The following ICE1 variants were observed in gnomAD, a reference collection of about 807,000 sequenced individuals.
The protein encoded by ICE1 is interactor of little elongation complex ELL subunit 1, also known as little elongation complex subunit 1.
A neutral mutation model predicts 192.7 loss-of-function variants in ICE1; 64 were observed. The ratio of observed to expected loss-of-function variants is 0.33; its 90% confidence interval spans 0.27 to 0.41. The LOEUF (loss-of-function observed/expected upper bound fraction) is 0.41, where lower values mean the gene tolerates loss of function less well. ICE1 is among the 10% of genes least tolerant of loss of function. The pLI is 1.00. For synonymous variants in ICE1, 1,010 were observed against 984.5 expected, an observed-to-expected ratio of 1.03 and a Z score of -0.49; for missense variants, 2,708 against 2,696.0, an observed-to-expected ratio of 1.00 and a Z score of -0.10.
At chr5:5,476,701 G>A (rs908814498) in intron 17 of ICE1, among the ~76,000 whole-genome samples, 4 of 152,088 alleles carry the variant, frequency 2.6e-5, no homozygotes, top group African/African-American at 7.2e-5. Flanking sequence ...CTCACCACAC[G>A]GATGGCCCAA....
At chr5:5,467,970 T>C (rs1051722261) in intron 14 of ICE1, among the ~76,000 whole-genome samples, 1 of 152,194 alleles carries the variant, frequency 6.6e-6, no homozygotes, top group African/African-American at 2.4e-5. Context: ...AGCACGCGGA[T>C]GTAACATCTT....
chr5:5,489,000 A>G, intron 18 of ICE1, 149 bp from the exon 19 acceptor site: 2 of 703,602 alleles, frequency 2.8e-6, no homozygotes, highest in Admixed American at 3.1e-5. Flanking sequence ...TCTTAAATGA[A>G]TTTTTTTACT....
intron 10 of ICE1, 91 bp from the exon 11 acceptor site, chr5:5,454,461 C>G (rs1561083754): frequency 2.5e-6 from 2 of 787,400 alleles, no homozygotes; most frequent in Non-Finnish European, 4.3e-6. Flanking sequence ...TTTCTAAGTC[C>G]CTAATAAACC....
rs758400669 is a variant in ICE1, at chr5:5,465,121, G to A, written c.5787G>A (p.Leu1929=). The part of the protein sequence containing the change: ...LKKIAEFSFD[L]LPVIRSHVYV... ...AAATTGCAGAGTTTTCTTTTGATCT[G>A]TTACCTGTCATTCGTAGTCATGTGT... Residue 1929 remains leucine, a synonymous_variant, in exon 13 of 19, where the codon CTG becomes CTA. Transcript: ENST00000296564. 6.2e-7 allele frequency: 1 copy of A among 1,612,400 alleles called. No individual in the cohort carries two copies. Among genetic ancestry groups the A allele is most frequent in the Non-Finnish European group, 8.5e-7 (1 of 1,179,142 alleles).
intron 1 of ICE1, among the ~76,000 whole-genome samples, chr5:5,425,157 A>T (rs1737483738): frequency 6.6e-6 from 1 of 152,126 alleles, no homozygotes; most frequent in Middle Eastern, 3.4e-3. Flanking sequence ...TTCATTATTC[A>T]CCCACTTTTC....
intron 1 of ICE1, among the ~76,000 whole-genome samples, chr5:5,429,242 C>T (rs1215259029): frequency 6.6e-6 from 1 of 152,114 alleles, no homozygotes; most frequent in East Asian, 1.9e-4. Context: ...GCCTAGCAAG[C>T]ACCAAGATTC....
intron 4 of ICE1, 106 bp from the exon 5 acceptor site, chr5:5,441,006 C>CTTTTTTTTTT: frequency 1.5e-6 from 1 of 668,156 alleles, no homozygotes; most frequent in Non-Finnish European, 2.5e-6. Flanking sequence ...CTTTTTCATC[C>CTTTTTTTTTT]TTTTTTTTGT....
Position 5,489,163 on chromosome 5 carries a change from A to T in ICE1, c.6634A>T (p.Ile2212Leu). 4 of 1,613,898 alleles carry T rather than the reference A, an allele frequency of 2.5e-6. No homozygotes were observed. The highest frequency in any genetic ancestry group is 3.4e-6 in the Non-Finnish European group (4 of 1,179,834). Reference sequence around the variant, plus strand: ...TTTCTTTTCAGATATACCATGGGGTATACAGTTAGCAGCCGTGTATGCTCT... The same window carrying T: ...TTTCTTTTCAGATATACCATGGGGTTTACAGTTAGCAGCCGTGTATGCTCT... ...HAHDEDIPWG[I>L]QLAAVYALCD... is the part of the protein sequence containing the mutation. Residue 2212 changes from isoleucine to leucine, a missense_variant, in exon 19 of 19, where the codon ATA (isoleucine) becomes TTA (leucine). By Grantham distance (5) the Ile-to-Leu change is conservative (BLOSUM62 2). Transcript: ENST00000296564.
Position 5,460,687 on chromosome 5 carries a change from A to G in ICE1, c.1353A>G (p.Glu451=). 2 of 1,613,984 alleles carry G rather than the reference A, an allele frequency of 1.2e-6. No individual in the cohort carries two copies. Among genetic ancestry groups the G allele is most frequent in the Non-Finnish European group, 1.7e-6 (2 of 1,179,894 alleles). ...GLETFTATLR[E]SSATHSLVGE... ...AGACTTTCACAGCAACACTGAGAGA[A>G]TCTTCTGCCACACACTCCTTAGTTG... The change falls in exon 13 of 19, where the codon GAA becomes GAG. Residue 451 remains glutamate, a synonymous_variant. Coordinates refer to ENST00000296564, the MANE Select transcript of ICE1 (RefSeq NM_015325.3).
chr5:5,449,758 C>T (rs1014444884), intron 10 of ICE1, among the ~76,000 whole-genome samples: 2 of 152,164 alleles, frequency 1.3e-5, no homozygotes, highest in Admixed American at 1.3e-4. Context: ...GGCCTTTGCT[C>T]ATAAACTGTG....
chr5:5,429,832 T>C (rs770244033), intron 1 of ICE1, among the ~76,000 whole-genome samples: 1 of 152,098 alleles, frequency 6.6e-6, no homozygotes, highest in Non-Finnish European at 1.5e-5. Context: ...GAGGGTATTG[T>C]ATGGATAAAG....
At chr5:5,450,607 T>C (rs909718778) in intron 10 of ICE1, among the ~76,000 whole-genome samples, 5 of 152,120 alleles carry the variant, frequency 3.3e-5, no homozygotes, top group African/African-American at 1.2e-4. Context: ...TTGTGTACAG[T>C]CTCCGTCTCT....
Position 5,464,670 on chromosome 5 carries a change from C to T in ICE1, c.5336C>T (p.Pro1779Leu), listed in dbSNP as rs780206824. ...LKGNIQLTRG[P>L]PADCKNLPGP... The stretch of plus-strand genomic sequence containing the variant: ...GGGAATATTCAACTCACACGAGGTC[C>T]GCCTGCTGACTGTAAGAATTTACCG... The change falls in exon 13 of 19, where the codon CCG becomes CTG. Residue 1779 changes from proline to leucine, a missense_variant. Physicochemically the swap from Pro to Leu is moderately conservative, Grantham distance 98 (BLOSUM62 -3). This residue lies in a region of ICE1 where 2,366 missense variants were observed against 2,276.6 expected (regional missense o/e 1.04). Transcript: ENST00000296564. The surrounding 1 kb of genome is among the most constrained non-coding windows in gnomAD (Gnocchi z 4.0). 1.6e-5 allele frequency: 26 copies of T among 1,613,722 alleles called. No individual in the cohort carries two copies. Among genetic ancestry groups the T allele is most frequent in the South Asian group, 7.7e-5 (7 of 91,030 alleles).
At position 5,461,010 on chromosome 5, in the gene ICE1, C is replaced by T. The variant is rs1738756928; in HGVS notation, c.1676C>T (p.Pro559Leu). 1.2e-6 allele frequency: 2 copies of T among 1,613,972 alleles called. No individual in the cohort carries two copies. The highest frequency in any genetic ancestry group is 2.7e-5 in the African/African-American group (2 of 75,018). Residue 559 changes from proline (P) to leucine (L), a missense_variant, in exon 13 of 19, where the codon CCC (proline) becomes CTC (leucine). Pro to Leu is a moderately conservative substitution (Grantham distance 98). Around this residue, in one of 2 missense-constraint regions of ICE1, gnomAD observed 2,366 missense variants for 2,276.6 expected, o/e 1.04. Coordinates refer to ENST00000296564, the MANE Select transcript of ICE1 (RefSeq NM_015325.3). The part of the protein sequence containing the change: ...KTVLSKMMGS[P>L]KSEFTKWTRI... ...GTATTGTCTAAAATGATGGGATCGC[C>T]CAAATCAGAGTTTACTAAGTGGACA...
At chr5:5,452,163 A>ATTTTT (rs952502832) in intron 10 of ICE1, among the ~76,000 whole-genome samples, 8 of 133,104 alleles carry the variant, frequency 6.0e-5, no homozygotes, top group East Asian at 2.2e-4. Context: ...TGTTTGTTCC[A>ATTTTT]TTTTTTTTTT....
At chr5:5,452,398 A>G (rs1738450903) in intron 10 of ICE1, among the ~76,000 whole-genome samples, 2 of 152,054 alleles carry the variant, frequency 1.3e-5, no homozygotes. Context: ...AACCTGTTAG[A>G]AAAGGAATGG....
At chr5:5,447,924 ATGT>A (rs1162908851) in intron 10 of ICE1, 27 bp downstream of exon 10, 5 of 1,513,480 alleles carry the variant, frequency 3.3e-6, no homozygotes, top group Non-Finnish European at 3.6e-6. Flanking sequence ...TTTTGTTTTA[ATGT>A]TGTGTATTGC....
intron 10 of ICE1, among the ~76,000 whole-genome samples, chr5:5,451,683 A>G (rs898185072): frequency 2.6e-5 from 4 of 152,190 alleles, no homozygotes; most frequent in Admixed American, 2.0e-4. Context: ...ATTTTTAACA[A>G]TAGTTAAAGA....
chr5:5,473,773 A>C (rs368101221), intron 16 of ICE1, 25 bp downstream of exon 16: 77 of 1,491,444 alleles, frequency 5.2e-5, no homozygotes, highest in Admixed American at 3.1e-4. Context: ...TAATTTAAAT[A>C]AAGATATGTT....
Sources: gnomAD v4.1 joint callset for allele counts (sites outside exome capture counted in the v4.1 genomes callset) on GRCh38, gnomAD v4.1.1 for gene constraint, gnomAD v4.1.1 regional missense constraint, Gnocchi (gnomAD v3.1) non-coding constraint, MANE v1.5 for transcripts, NCBI Gene and HGNC (gene_info 2026-07-23, HGNC 2026-07-21) for gene names.